Variants in CCDC171 observed in about 807,000 individuals in gnomAD.
CCDC171 encodes the protein coiled-coil domain containing 171, also known as coiled-coil domain-containing protein 171.
A neutral mutation model predicts 168.2 loss-of-function variants in CCDC171; 177 were observed. The ratio of observed to expected loss-of-function variants is 1.05; its 90% CI spans 0.93 to 1.19. CCDC171 has a LOEUF of 1.19. CCDC171 is among the 50% of genes most tolerant of loss of function. The pLI is 0.00. For synonymous variants in CCDC171, 687 were observed against 540.8 expected, an observed-to-expected ratio of 1.27 and a Z score of -3.75; for missense variants, 1,991 against 1,539.0, an observed-to-expected ratio of 1.29 and a Z score of -4.91.
At chr9:15,782,969 ATTAAC>A (rs1262690840) in intron 20 of CCDC171, among the ~76,000 whole-genome samples, 3 of 152,128 alleles carry the variant, frequency 2.0e-5, no homozygotes, top group Non-Finnish European at 4.4e-5. Context: ...ATTAATTTAT[ATTAAC>A]TTAGGTAAAT....
chr9:15,863,965 CAT>C (rs1264950988), intron 23 of CCDC171, among the ~76,000 whole-genome samples: 1 of 152,066 alleles, frequency 6.6e-6, no homozygotes, highest in African/African-American at 2.4e-5. Context: ...TTTCTGAACT[CAT>C]TTTGTAAAGT....
At chr9:15,816,220 A>T (rs1321903924) in intron 21 of CCDC171, among the ~76,000 whole-genome samples, 1 of 117,402 alleles carries the variant, frequency 8.5e-6, no homozygotes, top group Non-Finnish European at 1.9e-5. Flanking sequence ...TTGAGTACTA[A>T]CCTTTGATTA....
At chr9:15,668,145 A>G (rs2048862337) in intron 9 of CCDC171, among the ~76,000 whole-genome samples, 1 of 152,196 alleles carries the variant, frequency 6.6e-6, no homozygotes, top group African/African-American at 2.4e-5. Context: ...AAAGCTTTCT[A>G]GCAATGAAAT....
intron 8 of CCDC171, among the ~76,000 whole-genome samples, chr9:16,036,449 C>G (rs1564130130): frequency 6.6e-6 from 1 of 152,130 alleles, no homozygotes; most frequent in Non-Finnish European, 1.5e-5. Context: ...TCAAGACCAT[C>G]CTAGCTAACA....
At chr9:16,059,951 G>A (rs1442824905) in intron 1 of CCDC171, among the ~76,000 whole-genome samples, 1 of 151,412 alleles carries the variant, frequency 6.6e-6, no homozygotes. Flanking sequence ...CTGAGATGAA[G>A]TCTGGAACAG....
intron 4 of CCDC171, among the ~76,000 whole-genome samples, chr9:15,584,732 A>G (rs57108331): frequency 0.028 from 4,318 of 152,246 alleles, 197 homozygotes; most frequent in African/African-American, 0.099. Flanking sequence ...AAAAATATTC[A>G]GCATACCAAG....
chr9:15,566,313 T>A (rs2039722516), intron 2 of CCDC171, among the ~76,000 whole-genome samples: 1 of 152,094 alleles, frequency 6.6e-6, no homozygotes, highest in African/African-American at 2.4e-5. Flanking sequence ...ATCCCAGCAC[T>A]TTGGGAGGCT....
At chr9:15,955,081 C>G (rs1275952451) in intron 25 of CCDC171, among the ~76,000 whole-genome samples, 1 of 152,038 alleles carries the variant, frequency 6.6e-6, no homozygotes, top group Non-Finnish European at 1.5e-5. Context: ...TTTCTCCCTT[C>G]CCTAGGGTTT....
downstream of CCDC171, among the ~76,000 whole-genome samples, chr9:15,975,751 A>G (rs1464950618): frequency 2.6e-5 from 4 of 152,222 alleles, no homozygotes; most frequent in Non-Finnish European, 4.4e-5. Context: ...AGATTTAAAA[A>G]TATATTTTCT....
intron 12 of CCDC171, among the ~76,000 whole-genome samples, chr9:15,722,656 A>C (rs531222057): frequency 5.3e-5 from 8 of 152,298 alleles, no homozygotes; most frequent in African/African-American, 1.9e-4. Flanking sequence ...CCTTGTGTGT[A>C]TCTCTTTCTT....
intron 11 of CCDC171, among the ~76,000 whole-genome samples, chr9:15,704,084 T>C (rs1416927681): frequency 6.6e-6 from 1 of 152,180 alleles, no homozygotes; most frequent in African/African-American, 2.4e-5. Flanking sequence ...AACCTGCAGT[T>C]TGTAAAAATC....
At chr9:16,082,304 A>T in the CCDC171 span, among the ~76,000 whole-genome samples, 1 of 152,210 alleles carries the variant, frequency 6.6e-6, no homozygotes, top group African/African-American at 2.4e-5. Context: ...AACATTTCTA[A>T]TCAAGTGAGT....
chr9:15,968,764 C>G (rs986635624), intron 25 of CCDC171, among the ~76,000 whole-genome samples: 1 of 152,098 alleles, frequency 6.6e-6, no homozygotes, highest in Non-Finnish European at 1.5e-5. Flanking sequence ...GTCTCCAATT[C>G]CTGACCTCAG....
the CCDC171 span, among the ~76,000 whole-genome samples, chr9:16,107,434 T>C: frequency 6.6e-6 from 1 of 152,178 alleles, no homozygotes; most frequent in Non-Finnish European, 1.5e-5. Flanking sequence ...TTTATTCCCT[T>C]GGGTATGATA....
At chr9:16,107,941 CTA>C in the CCDC171 span, among the ~76,000 whole-genome samples, 29 of 152,012 alleles carry the variant, frequency 1.9e-4, no homozygotes, top group African/African-American at 6.5e-4. Context: ...CATAATGTAA[CTA>C]TTATAAAGTG....
intron 20 of CCDC171, among the ~76,000 whole-genome samples, chr9:15,780,878 G>T (rs1267270280): frequency 2.6e-5 from 4 of 151,590 alleles, no homozygotes; most frequent in Admixed American, 6.6e-5. Context: ...TCCATTTTTT[G>T]CCATTTTACT....
chr9:15,950,698 G>C (rs1366184437), intron 25 of CCDC171, among the ~76,000 whole-genome samples: 1 of 151,748 alleles, frequency 6.6e-6, no homozygotes, highest in Non-Finnish European at 1.5e-5. Context: ...ATCGAGACTA[G>C]GAAGACACTG....
Position 15,780,951 on chromosome 9 carries a change from C to T in CCDC171, c.3081+1801C>T, listed in dbSNP as rs145811957. 5.0e-4 allele frequency among the ~76,000 whole-genome samples: 76 copies of T among 152,106 alleles called. No individual in the cohort carries two copies. In the East Asian group the frequency reaches 0.013, roughly 26 times the overall value. On this transcript the variant is annotated intron_variant, in intron 20 of 25. Transcript: ENST00000380701. ...TTCTTTTGAAGCATGTCTCTCCTTC[C>T]GTTTGATTTGCTTCTGTATCATAGA...
intron 23 of CCDC171, among the ~76,000 whole-genome samples, chr9:15,859,744 C>G (rs542204551): frequency 6.6e-6 from 1 of 151,716 alleles, no homozygotes; most frequent in African/African-American, 2.4e-5. Flanking sequence ...ACTGCAGCCT[C>G]AAACCCCTGG....
Sources: gnomAD v4.1 joint callset for allele counts (sites outside exome capture counted in the v4.1 genomes callset) on GRCh38, gnomAD v4.1.1 for gene constraint, MANE v1.5 for transcripts, NCBI Gene and HGNC (gene_info 2026-07-23, HGNC 2026-07-21) for gene names.